Variants in EMC7 observed in about 807,000 individuals in gnomAD.
EMC7 encodes ER membrane protein complex subunit 7.
A neutral mutation model predicts 24.4 loss-of-function variants in EMC7; 4 were observed. That is an observed-to-expected ratio of 0.16 (90% CI 0.08 to 0.38). The LOEUF (loss-of-function observed/expected upper bound fraction) is 0.38, where lower values mean the gene tolerates loss of function less well. EMC7 is among the 10% of genes least tolerant of loss of function. The probability of loss-of-function intolerance (pLI) is 1.00; values close to 1 mark genes in which losing one functional copy is unlikely to be tolerated. For missense variants in EMC7, 221 were observed against 300.6 expected, an observed-to-expected ratio of 0.74 and a Z score of 1.96; for synonymous variants, 106 against 112.0, an observed-to-expected ratio of 0.95 and a Z score of 0.34.
At chr15:34,098,567 C>T (rs1194204029) in intron 1 of EMC7, among the ~76,000 whole-genome samples, 3 of 151,128 alleles carry the variant, frequency 2.0e-5, no homozygotes, top group Non-Finnish European at 1.5e-5. Flanking sequence ...GTGATTCTCC[C>T]GCCTCAGCCT....
At chr15:34,092,832 G>A (rs1901000027) in intron 2 of EMC7, among the ~76,000 whole-genome samples, 1 of 152,084 alleles carries the variant, frequency 6.6e-6, no homozygotes, top group African/African-American at 2.4e-5. Context: ...ACTTTATACA[G>A]TTGCTCCTCA....
At chr15:34,098,689 G>A (rs11634610) in intron 1 of EMC7, among the ~76,000 whole-genome samples, 22,457 of 145,008 alleles carry the variant, frequency 0.15, 2,240 homozygotes, top group Middle Eastern at 0.27. Context: ...GGCTGGTCTC[G>A]AACTCCTGAC....
At chr15:34,100,371 A>G (rs765865090) in intron 1 of EMC7, among the ~76,000 whole-genome samples, 16 of 152,182 alleles carry the variant, frequency 1.1e-4, no homozygotes, top group Non-Finnish European at 2.1e-4. Context: ...ACAATGAAAC[A>G]TTAAGGGTTG....
chr15:34,093,210 C>G (rs1263736604), intron 2 of EMC7, among the ~76,000 whole-genome samples: 4 of 152,008 alleles, frequency 2.6e-5, no homozygotes, highest in Non-Finnish European at 5.9e-5. Flanking sequence ...GAGGCCGAGG[C>G]AGGAGGATCA....
intron 1 of EMC7, among the ~76,000 whole-genome samples, chr15:34,099,015 A>T (rs1901132993): frequency 6.6e-6 from 1 of 152,180 alleles, no homozygotes; most frequent in Admixed American, 6.5e-5. Context: ...TTATATAAAA[A>T]ATATTTTTGA....
chr15:34,088,213 G>T, intron 3 of EMC7, 80 bp from the exon 4 acceptor site: 1 of 1,196,490 alleles, frequency 8.4e-7, no homozygotes, highest in Non-Finnish European at 1.2e-6. Context: ...AACAACCAAT[G>T]GTAAAATTAA....
At chr15:34,085,225 A>G (rs751816595) in intron 4 of EMC7, among the ~76,000 whole-genome samples, 1 of 152,194 alleles carries the variant, frequency 6.6e-6, no homozygotes, top group African/African-American at 2.4e-5. Context: ...CATGACTTCA[A>G]TTAGACTCTA....
intron 1 of EMC7, among the ~76,000 whole-genome samples, chr15:34,099,114 T>A (rs1901135278): frequency 5.1e-5 from 2 of 39,044 alleles, no homozygotes; most frequent in Admixed American, 6.9e-4. Flanking sequence ...GTGGTTTTTG[T>A]TTAAGTCCTT....
At chr15:34,095,048 T>A (rs898592761) in intron 2 of EMC7, among the ~76,000 whole-genome samples, 3 of 152,198 alleles carry the variant, frequency 2.0e-5, no homozygotes, top group Non-Finnish European at 2.9e-5. Flanking sequence ...TCTCTACAAG[T>A]CAGTCTAAAT....
At chr15:34,096,038 A>G in intron 1 of EMC7, 24 bp from the exon 2 acceptor site, 1 of 1,513,182 alleles carries the variant, frequency 6.6e-7, no homozygotes, top group Non-Finnish European at 9.0e-7. Context: ...AATCATGTTT[A>G]GCTACTACTG....
chr15:34,096,198 T>A (rs115117959), intron 1 of EMC7, among the ~76,000 whole-genome samples, 184 bp from the exon 2 acceptor site: 14,200 of 152,202 alleles, frequency 0.093, 837 homozygotes, highest in South Asian at 0.26. Flanking sequence ...TGAGACGGAG[T>A]CTCGCTGCGA....
intron 2 of EMC7, among the ~76,000 whole-genome samples, chr15:34,093,961 G>C (rs536122786): frequency 6.7e-6 from 1 of 149,920 alleles, no homozygotes; most frequent in Non-Finnish European, 1.5e-5. Context: ...TGAGGCTGTA[G>C]CGGGCTATGA....
At position 34,096,153 on chromosome 15, in the gene EMC7, T is replaced by C. The variant is rs1019751986; in HGVS notation, c.237-139A>G. ...CAAACAAACAAAACCTTGGCGAAAG[T>C]TGTCCTATGCTTCAGTTTCTTTTCT... On this transcript the variant is annotated intron_variant, in intron 1 of 4. Transcript: ENST00000256545. 19 of 982,032 alleles carry C rather than the reference T, an allele frequency of 1.9e-5. No individual in the cohort carries two copies. In the African/African-American group the frequency reaches 2.6e-4, roughly 14 times the overall value. 60.8% of individuals were successfully genotyped at this position (982,032 alleles called of 1,614,324 possible).
chr15:34,088,043 A>G lies in EMC7; in HGVS notation c.576+10T>C, dbSNP rs1358115160. ...AAAAAAAAAAATCCATAGCTGGACC[A>G]TCATCTTACCCGTCTCATGTCAGGA... is the stretch of plus-strand genomic sequence containing the variant. On this transcript the variant is annotated intron_variant, in intron 4 of 4. Transcript: ENST00000256545. 5.0e-6 allele frequency: 8 copies of G among 1,599,446 alleles called. No homozygotes were observed. The South Asian group carries it at 8.0e-5, about 16-fold the overall frequency.
Position 34,084,296 on chromosome 15 carries a change from T to C in EMC7, c.*38A>G, listed in dbSNP as rs768519905. The C allele has an allele frequency of 8.8e-6, 14 of 1,593,118 alleles. No individual in the cohort carries two copies. Among genetic ancestry groups the C allele is most frequent in the Non-Finnish European group, 1.2e-5 (14 of 1,165,708 alleles). ...CCAAGACTTGGATGCCACCCAGTGT[T>C]GCCGTGTTTGTGCAAATGCCAGCTC... On this transcript the variant is annotated 3_prime_UTR_variant, in exon 5 of 5. Transcript: ENST00000256545.
Position 34,093,438 on chromosome 15 carries a change from TAA to T in EMC7, c.356+2455_356+2456del, listed in dbSNP as rs11325671. 2.7e-3 allele frequency among the ~76,000 whole-genome samples: 388 copies of T among 142,980 alleles called. 1 individual carries two copies. Among genetic ancestry groups the T allele is most frequent in the Admixed American group, 2.8e-3 (40 of 14,200 alleles). 93.8% of individuals were successfully genotyped at this position (142,980 alleles called of 152,430 possible). A position where few individuals can be genotyped will look rare whatever the true frequency, so the allele number is the denominator to read the frequency against. On this transcript the variant is annotated intron_variant, in intron 2 of 4. Coordinates refer to ENST00000256545, the MANE Select transcript of EMC7 (RefSeq NM_020154.3). ...GTGACAGAGCGAGACTGTCTCAAAT[TAA>T]AAAAAAAAAAAAAATTATAAGTTGA...
At chr15:34,090,236 A>G in intron 3 of EMC7, 81 bp downstream of exon 3, 2 of 1,402,890 alleles carry the variant, frequency 1.4e-6, no homozygotes, top group Non-Finnish European at 1.9e-6. Context: ...TCAGCTTTCT[A>G]TCTCACAGAG....
intron 4 of EMC7, 46 bp downstream of exon 4, chr15:34,088,007 C>T (rs1354685034): frequency 4.6e-6 from 7 of 1,524,980 alleles, no homozygotes; most frequent in African/African-American, 1.4e-5. Context: ...AACAGAGGCT[C>T]TATCTCTTAA....
intron 4 of EMC7, among the ~76,000 whole-genome samples, chr15:34,087,261 T>C (rs1182981413): frequency 1.3e-5 from 2 of 152,174 alleles, no homozygotes; most frequent in African/African-American, 4.8e-5. Context: ...TGGGGAACCT[T>C]GAAACTCAGA....
Sources: gnomAD v4.1 joint callset for allele counts (sites outside exome capture counted in the v4.1 genomes callset) on GRCh38, gnomAD v4.1.1 for gene constraint, MANE v1.5 for transcripts, NCBI Gene and HGNC (gene_info 2026-07-23, HGNC 2026-07-21) for gene names.